Variants in GRTP1 observed in about 807,000 individuals in gnomAD.
GRTP1 encodes the protein growth hormone regulated TBC protein 1.
A neutral mutation model predicts 38.1 loss-of-function variants in GRTP1; 56 were observed. That is an observed-to-expected ratio of 1.47 (90% CI 1.19 to 1.84). The LOEUF (loss-of-function observed/expected upper bound fraction) is 1.84, where lower values mean the gene tolerates loss of function less well. Among genes scored for constraint, GRTP1 ranks in the 40% most tolerant of loss-of-function variants. The pLI is 0.00. For synonymous variants in GRTP1, 217 were observed against 189.5 expected (o/e 1.14, Z -1.19); for missense variants, 506 against 453.9 (o/e 1.11, Z -1.04).
rs2043042911 is a variant in GRTP1, at chr13:113,342,689, C to T, written c.562+2174G>A. 6.6e-6 allele frequency among the ~76,000 whole-genome samples: 1 copy of T among 152,160 alleles called. No individual in the cohort carries two copies. Among genetic ancestry groups the T allele is most frequent in the South Asian group, 2.1e-4 (1 of 4,830 alleles). On this transcript the variant is annotated intron_variant, in intron 5 of 7. Transcript: ENST00000375431. The surrounding 1 kb of genome is among the most constrained non-coding windows in gnomAD (Gnocchi z 4.5). ...ATGACTGTGGCACTGAAACGACCTACTTCGGTCACTGTAACTTAGAGAAGG... is the reference window on the plus strand; with the variant it reads ...ATGACTGTGGCACTGAAACGACCTATTTCGGTCACTGTAACTTAGAGAAGG...
chr13:113,349,787 C>CA lies in GRTP1; in HGVS notation c.465+1061dup, dbSNP rs2043227739. 6.6e-6 allele frequency among the ~76,000 whole-genome samples: 1 copy of CA among 152,180 alleles called. No individual in the cohort carries two copies. The highest frequency in any genetic ancestry group is 2.4e-5 in the African/African-American group (1 of 41,448). ...TCCAGGCAGGGGCTCCACACTCCTC[C>CA]AAACGTTCACTCAAACTGCATTTTC... On this transcript the variant is annotated intron_variant, in intron 4 of 7. Transcript: ENST00000375431. This position sits in a 1 kb window ranked among gnomAD's most constrained non-coding sequence, Gnocchi z 5.0.
chr13:113,363,908 A>C lies in GRTP1; in HGVS notation c.35T>G (p.Ile12Ser). The change falls in exon 2 of 8, where the codon ATC becomes AGC. Residue 12 changes from isoleucine to serine, a missense_variant and splice_region_variant. Physicochemically the swap from Ile to Ser is moderately radical, Grantham distance 142 (BLOSUM62 -2). Coordinates refer to ENST00000375431, the MANE Select transcript of GRTP1 (RefSeq NM_024719.4). ...QPAERSRVPRIDPYGFERPED... is the reference protein window; with the variant it reads ...QPAERSRVPRSDPYGFERPED... ...AGGCCGCTCGAATCCGTACGGGTCG[A>C]TCCTGCAAAACCGAGAGAAGGAGGC... 6.2e-7 allele frequency: 1 copy of C among 1,610,200 alleles called. No individual in the cohort carries two copies. Among genetic ancestry groups the C allele is most frequent in the Non-Finnish European group, 8.5e-7 (1 of 1,178,942 alleles).
At chr13:113,350,526 A>AGCACACACACCCCACC in intron 4 of GRTP1, among the ~76,000 whole-genome samples, 1 of 147,196 alleles carries the variant, frequency 6.8e-6, no homozygotes. Context: ...CACACCCCAC[A>AGCACACACACCCCACC]GCACACACAC....
intron 2 of GRTP1, among the ~76,000 whole-genome samples, chr13:113,356,414 C>A (rs1053617381): frequency 3.3e-5 from 5 of 152,012 alleles, no homozygotes; most frequent in Non-Finnish European, 7.4e-5. Flanking sequence ...ATTAAAGGCA[C>A]CTGCCAACAT....
chr13:113,363,944 G>C lies in GRTP1; in HGVS notation c.33-34C>G, dbSNP rs768725479. ...CCGAGAGAAGGAGGCCGGCGTCCCC[G>C]AAGTTTCCTCTGGGGGGTCGCGGGC... On this transcript the variant is annotated intron_variant, in intron 1 of 7. Coordinates refer to ENST00000375431, the MANE Select transcript of GRTP1 (RefSeq NM_024719.4). The C allele has an allele frequency of 6.9e-6, 11 of 1,603,292 alleles. No homozygotes were observed. In the Admixed American group the frequency reaches 1.3e-4, roughly 20 times the overall value.
At chr13:113,354,398 C>T (rs1162899993) in intron 3 of GRTP1, among the ~76,000 whole-genome samples, 1 of 152,218 alleles carries the variant, frequency 6.6e-6, no homozygotes, top group Admixed American at 6.5e-5. Context: ...TCTTTCTAAC[C>T]TCTCAGCACT....
Position 113,342,154 on chromosome 13 carries a change from G to A in GRTP1, c.562+2709C>T, listed in dbSNP as rs1405540951. 1.3e-5 allele frequency among the ~76,000 whole-genome samples: 2 copies of A among 152,134 alleles called. No individual in the cohort carries two copies. The highest frequency in any genetic ancestry group is 2.4e-5 in the African/African-American group (1 of 41,448). On this transcript the variant is annotated intron_variant, in intron 5 of 7. Coordinates refer to ENST00000375431, the MANE Select transcript of GRTP1 (RefSeq NM_024719.4). This position sits in a 1 kb window ranked among gnomAD's most constrained non-coding sequence, Gnocchi z 4.5. ...GGTGGGGTTTTGCCATGTTGGCCAG[G>A]CTGGTCTTGAACTCCCCTAAATGCC...
intron 5 of GRTP1, among the ~76,000 whole-genome samples, chr13:113,334,172 A>C (rs536670507): frequency 1.9e-3 from 294 of 152,228 alleles, no homozygotes; most frequent in African/African-American, 6.7e-3. Context: ...AGTTTTCTCA[A>C]ACACAGGGGA....
At chr13:113,333,072 G>C (rs1297934020) in intron 5 of GRTP1, among the ~76,000 whole-genome samples, 1 of 152,238 alleles carries the variant, frequency 6.6e-6, no homozygotes, top group African/African-American at 2.4e-5. Flanking sequence ...CATGACATCA[G>C]GTCTTGATTC....
rs1321243869 is a variant in GRTP1 at position 113,342,379 on chromosome 13, G to A, written c.562+2484C>T. Among the ~76,000 whole-genome samples the A allele has an allele frequency of 4.0e-5, 6 of 151,792 alleles. No individual in the cohort carries two copies. Among genetic ancestry groups the A allele is most frequent in the Non-Finnish European group, 8.9e-5 (6 of 67,764 alleles). On this transcript the variant is annotated intron_variant, in intron 5 of 7. Coordinates refer to ENST00000375431, the MANE Select transcript of GRTP1 (RefSeq NM_024719.4). This position sits in a 1 kb window ranked among gnomAD's most constrained non-coding sequence, Gnocchi z 4.5. Reference sequence around the variant, plus strand: ...AAAAATTGGCCAGGCGTAGTGGCGGGCGCCTGTAGTCCCAGCTACTCGGGA... The same window carrying A: ...AAAAATTGGCCAGGCGTAGTGGCGGACGCCTGTAGTCCCAGCTACTCGGGA...
Position 113,324,343 on chromosome 13 carries a change from G to A in GRTP1, c.*145C>T. The A allele has an allele frequency of 8.2e-7, 1 of 1,223,130 alleles. No homozygotes were observed. Among genetic ancestry groups the A allele is most frequent in the Non-Finnish European group, 1.1e-6 (1 of 943,756 alleles). The allele number at this position is 1,223,130 out of a possible 1,614,324, so 75.8% of individuals were successfully genotyped here. A position where few individuals can be genotyped will look rare whatever the true frequency, so the allele number is the denominator to read the frequency against. On this transcript the variant is annotated 3_prime_UTR_variant, in exon 8 of 8. Coordinates refer to ENST00000375431, the MANE Select transcript of GRTP1 (RefSeq NM_024719.4). ...TGGTAGAATGACCTGATTTTAAACTGCTCTTTTAAAAAATTCACAACTAAA... is the reference window on the plus strand; with the variant it reads ...TGGTAGAATGACCTGATTTTAAACTACTCTTTTAAAAAATTCACAACTAAA...
chr13:113,342,364 C>T lies in GRTP1; in HGVS notation c.562+2499G>A, dbSNP rs1187674571. On this transcript the variant is annotated intron_variant, in intron 5 of 7. Coordinates refer to ENST00000375431, the MANE Select transcript of GRTP1 (RefSeq NM_024719.4). The surrounding 1 kb of genome is among the most constrained non-coding windows in gnomAD (Gnocchi z 4.5). ...ACTAAAAATACAAAAAAAAATTGGC[C>T]AGGCGTAGTGGCGGGCGCCTGTAGT... is the stretch of plus-strand genomic sequence containing the variant. Among the ~76,000 whole-genome samples the T allele has an allele frequency of 3.3e-5, 5 of 152,036 alleles. No individual in the cohort carries two copies. Among genetic ancestry groups the T allele is most frequent in the Admixed American group, 3.3e-4 (5 of 15,258 alleles).
chr13:113,346,260 AGATCCGGGAG>A (rs2043128109), intron 4 of GRTP1, among the ~76,000 whole-genome samples: 1 of 62,726 alleles, frequency 1.6e-5, no homozygotes, highest in African/African-American at 7.9e-5. Context: ...GGCCGAGAGC[AGATCCGGGAG>A]GACCTCTGTG....
At position 113,364,106 on chromosome 13, in the gene GRTP1, G is replaced by A; in HGVS notation, c.-55C>T. The stretch of plus-strand genomic sequence containing the variant: ...CCAGCGGGTCCCAAGTTCGCCTCCC[G>A]GCTCCGGGGCGCTTAAGTCCTTCCG... On this transcript the variant is annotated 5_prime_UTR_variant, in exon 1 of 8. Coordinates refer to ENST00000375431, the MANE Select transcript of GRTP1 (RefSeq NM_024719.4). 8.2e-6 allele frequency: 10 copies of A among 1,215,978 alleles called. No individual in the cohort carries two copies. Among genetic ancestry groups the A allele is most frequent in the Non-Finnish European group, 1.0e-5 (10 of 984,366 alleles). The allele number at this position is 1,215,978 out of a possible 1,614,324, so 75.3% of individuals were successfully genotyped here.
intron 3 of GRTP1, among the ~76,000 whole-genome samples, chr13:113,352,894 T>C (rs1474459939): frequency 6.6e-6 from 1 of 152,134 alleles, no homozygotes. Flanking sequence ...ACACTCTAGG[T>C]AGGAGCCCAC....
chr13:113,350,745 G>C, intron 4 of GRTP1, 104 bp downstream of exon 4: 1 of 1,111,324 alleles, frequency 9.0e-7, no homozygotes, highest in Non-Finnish European at 1.3e-6. Context: ...TGGAATTCAT[G>C]AACAGGGTTG....
At chr13:113,325,275 C>T (rs563475835) in intron 7 of GRTP1, 6 of 1,269,314 alleles carry the variant, frequency 4.7e-6, no homozygotes, top group African/African-American at 1.5e-5. Flanking sequence ...TCTTGGCTTC[C>T]TCAGAAGGCC....
chr13:113,325,899 G>A lies in GRTP1; in HGVS notation c.735+20C>T, dbSNP rs764956147. 6.2e-6 allele frequency: 10 copies of A among 1,613,688 alleles called. No homozygotes were observed. The highest frequency in any genetic ancestry group is 6.8e-6 in the Non-Finnish European group (8 of 1,179,888). On this transcript the variant is annotated intron_variant, in intron 6 of 7. Coordinates refer to ENST00000375431, the MANE Select transcript of GRTP1 (RefSeq NM_024719.4). ...CTCCCTGGCGGCCCGCCCGCCCCAG[G>A]GCCCGAGTGAGGCGCTCACCTCCAC... is the stretch of plus-strand genomic sequence containing the variant.
rs1419912296 is a variant in GRTP1 at position 113,346,526 on chromosome 13, A to G, written c.466-1567T>C. On this transcript the variant is annotated intron_variant, in intron 4 of 7. Coordinates refer to ENST00000375431, the MANE Select transcript of GRTP1 (RefSeq NM_024719.4). Reference sequence around the variant, plus strand: ...CGGGAGGACCTCTGTGGCAAAGAGCAGACCCGGGAGGACCTCTGTGGCAAA... The same window carrying G: ...CGGGAGGACCTCTGTGGCAAAGAGCGGACCCGGGAGGACCTCTGTGGCAAA... Among the ~76,000 whole-genome samples the G allele has an allele frequency of 7.6e-3, 11 of 1,450 alleles. 4 individuals carry two copies. The highest frequency in any genetic ancestry group is 8.9e-3 in the African/African-American group (11 of 1,232). The allele number at this position is 1,450 out of a possible 152,430, so 1.0% of individuals were successfully genotyped here.
Sources: gnomAD v4.1 joint callset for allele counts (sites outside exome capture counted in the v4.1 genomes callset) on GRCh38, gnomAD v4.1.1 for gene constraint, Gnocchi (gnomAD v3.1) non-coding constraint, MANE v1.5 for transcripts, NCBI Gene and HGNC (gene_info 2026-07-23, HGNC 2026-07-21) for gene names.